APBB2: variants seen among roughly 807,000 people sequenced by gnomAD.
APBB2 encodes the protein Fe65-like 1.
Under a neutral mutation model 82.5 loss-of-function variants are expected in APBB2, and 38 were observed. The observed-to-expected ratio is 0.46, with a 90% confidence interval of 0.36 to 0.60. APBB2 has a LOEUF of 0.60. Among genes scored for constraint, APBB2 ranks in the 20% least tolerant of loss-of-function variants. The pLI, the probability that APBB2 is intolerant of heterozygous loss-of-function variation, is 0.00. For synonymous variants in APBB2, 341 were observed against 368.2 expected (o/e 0.93, Z 0.85); for missense variants, 772 against 972.3 (o/e 0.79, Z 2.74).
chr4:40,935,965 T>C (rs1355347192), intron 7 of APBB2, among the ~76,000 whole-genome samples: 1 of 151,904 alleles, frequency 6.6e-6, no homozygotes, highest in Non-Finnish European at 1.5e-5. Context: ...CTAGTGAATA[T>C]TCAAGTATTT....
chr4:41,064,157 T>G (rs1262554900), intron 4 of APBB2, among the ~76,000 whole-genome samples: 1 of 151,996 alleles, frequency 6.6e-6, no homozygotes, highest in Non-Finnish European at 1.5e-5. Context: ...TTTTTGTATT[T>G]TTAGTAGAGA....
At chr4:41,190,339 C>T (rs933667238) in intron 1 of APBB2, among the ~76,000 whole-genome samples, 3 of 150,180 alleles carry the variant, frequency 2.0e-5, no homozygotes, top group African/African-American at 7.4e-5. Context: ...GCAACCTCCA[C>T]CTCCCAGGTT....
chr4:40,911,273 C>G (rs571382270), intron 10 of APBB2, among the ~76,000 whole-genome samples: 106 of 152,262 alleles, frequency 7.0e-4, no homozygotes, highest in Non-Finnish European at 9.1e-4. Flanking sequence ...ATGCGTGGAT[C>G]TGGTATACTC....
chr4:40,839,336 C>T (rs57528733), intron 12 of APBB2, among the ~76,000 whole-genome samples: 1 of 151,510 alleles, frequency 6.6e-6, no homozygotes, highest in African/African-American at 2.4e-5. Context: ...TGGCACAGAA[C>T]AAGTTGACCT....
At chr4:40,919,073 A>C (rs1780613307) in intron 10 of APBB2, among the ~76,000 whole-genome samples, 1 of 152,178 alleles carries the variant, frequency 6.6e-6, no homozygotes, top group African/African-American at 2.4e-5. Flanking sequence ...CAAGGAAAGG[A>C]AGGCTGGTAA....
At chr4:40,945,599 T>C (rs1449471902) in intron 6 of APBB2, among the ~76,000 whole-genome samples, 1 of 152,170 alleles carries the variant, frequency 6.6e-6, no homozygotes, top group African/African-American at 2.4e-5. Flanking sequence ...ATAGTAGTAG[T>C]CTTTTATAAT....
intron 10 of APBB2, among the ~76,000 whole-genome samples, chr4:40,908,959 A>G (rs1578359812): frequency 6.6e-6 from 1 of 152,214 alleles, no homozygotes; most frequent in East Asian, 1.9e-4. Flanking sequence ...ACTGCCTGCT[A>G]GCTGCGTCCT....
At chr4:41,209,315 C>T (rs1221658072) in intron 1 of APBB2, among the ~76,000 whole-genome samples, 1 of 152,196 alleles carries the variant, frequency 6.6e-6, no homozygotes, top group African/African-American at 2.4e-5. Flanking sequence ...TTCCTTTGCT[C>T]TCTGCCCCAT....
At chr4:40,909,795 C>T (rs892718809) in intron 10 of APBB2, among the ~76,000 whole-genome samples, 1 of 152,142 alleles carries the variant, frequency 6.6e-6, no homozygotes, top group African/African-American at 2.4e-5. Context: ...GTTTTATATA[C>T]AAGTCTGGTC....
At chr4:41,036,229 T>A (rs1171067247) in intron 4 of APBB2, among the ~76,000 whole-genome samples, 1 of 152,148 alleles carries the variant, frequency 6.6e-6, no homozygotes, top group African/African-American at 2.4e-5. Context: ...CTACACCACT[T>A]TATTTAAGGG....
chr4:41,088,501 T>G (rs1243498407), intron 3 of APBB2, among the ~76,000 whole-genome samples: 1 of 152,226 alleles, frequency 6.6e-6, no homozygotes, highest in African/African-American at 2.4e-5. Flanking sequence ...GGATTTCCCA[T>G]TTTCAATTAT....
In APBB2 at chr4:41,018,062, G is replaced by A. The variant is rs183297963; in HGVS notation, c.20-3664C>T. Among the ~76,000 whole-genome samples the A allele has an allele frequency of 8.3e-4, 126 of 152,174 alleles. 1 individual carries two copies. The highest frequency in any genetic ancestry group is 2.9e-3 in the African/African-American group (119 of 41,516). ...ATTATAATAGTATCTACACCTCATT[G>A]AGTTTTGCTGGGGACTAAAACATGA... On this transcript the variant is annotated intron_variant, in intron 5 of 17. Transcript: ENST00000508593.
chr4:41,012,726 C>A (rs1434835238), intron 6 of APBB2, among the ~76,000 whole-genome samples: 1 of 152,098 alleles, frequency 6.6e-6, no homozygotes, highest in Non-Finnish European at 1.5e-5. Flanking sequence ...AGCCCTGGGA[C>A]CCACTAGGGG....
chr4:40,813,203 T>G lies in APBB2; in HGVS notation c.*2889A>C, dbSNP rs1744765805. On this transcript the variant is annotated 3_prime_UTR_variant, in exon 18 of 18. Coordinates refer to ENST00000508593, the MANE Select transcript of APBB2 (RefSeq NM_004307.2). ...ACTTTTTAGGCAATGTATAGTTCAC[T>G]GAGATTACTTAGATCTGGATACACT... 6.6e-6 allele frequency: 1 copy of G among 152,204 alleles called. No homozygotes were observed. Among genetic ancestry groups the G allele is most frequent in the Non-Finnish European group, 1.5e-5 (1 of 68,038 alleles). The allele number at this position is 152,204 out of a possible 1,614,324, so 9.4% of individuals were successfully genotyped here.
intron 2 of APBB2, among the ~76,000 whole-genome samples, chr4:41,108,022 A>C (rs574464560): frequency 2.0e-5 from 3 of 152,326 alleles, no homozygotes; most frequent in Admixed American, 1.3e-4. Context: ...TGATCATCTT[A>C]TTATAGGCTA....
chr4:40,988,006 T>C (rs941052090), intron 6 of APBB2, among the ~76,000 whole-genome samples: 5 of 152,240 alleles, frequency 3.3e-5, no homozygotes, highest in African/African-American at 1.2e-4. Flanking sequence ...AACCTCGCTG[T>C]CCTTGTCTGA....
At chr4:41,087,147 T>C (rs1449666295) in intron 3 of APBB2, among the ~76,000 whole-genome samples, 1 of 151,954 alleles carries the variant, frequency 6.6e-6, no homozygotes, top group Non-Finnish European at 1.5e-5. Context: ...CTCTAAAAAA[T>C]AAATAAATAA....
intron 12 of APBB2, chr4:40,857,090 G>A: frequency 4.1e-6 from 4 of 985,512 alleles, no homozygotes; most frequent in Non-Finnish European, 4.8e-6. Flanking sequence ...ACAAGCCCCA[G>A]GGTGCCGGCA....
chr4:41,107,657 G>C (rs1747742484), intron 2 of APBB2, among the ~76,000 whole-genome samples: 1 of 152,158 alleles, frequency 6.6e-6, no homozygotes, highest in Non-Finnish European at 1.5e-5. Flanking sequence ...GTGGTGCTCG[G>C]CATAATCAAT....
Sources: allele counts gnomAD v4.1 joint callset (sites outside exome capture counted in the v4.1 genomes callset), GRCh38; gene constraint gnomAD v4.1.1; transcripts MANE v1.5; gene names NCBI Gene and HGNC (gene_info 2026-07-23, HGNC 2026-07-21).